RPTOR: variants seen among roughly 807,000 people sequenced by gnomAD.
The protein encoded by RPTOR is regulatory-associated protein of mTOR.
In RPTOR, 21 loss-of-function variants were observed where a neutral mutation model predicts 169.9. The observed-to-expected ratio is 0.12, with a 90% CI of 0.09 to 0.18. The LOEUF (loss-of-function observed/expected upper bound fraction) is 0.18. Ranked by LOEUF, RPTOR falls within the 10% of genes least tolerant of loss-of-function variation. RPTOR has a pLI of 1.00. For missense variants in RPTOR, 1,133 were observed against 1,855.9 expected, an observed-to-expected ratio of 0.61 and a Z score of 7.16; for synonymous variants, 732 against 753.2, an observed-to-expected ratio of 0.97 and a Z score of 0.46.
intron 4 of RPTOR, among the ~76,000 whole-genome samples, chr17:80,728,123 C>G (rs2066356058): frequency 6.6e-6 from 1 of 152,176 alleles, no homozygotes; most frequent in African/African-American, 2.4e-5. Context: ...AACTTAGAAT[C>G]ATTTTTGATT....
intron 5 of RPTOR, among the ~76,000 whole-genome samples, chr17:80,736,224 C>G (rs1247738327): frequency 6.6e-6 from 1 of 151,938 alleles, no homozygotes; most frequent in Non-Finnish European, 1.5e-5. Context: ...CACTTCTCCA[C>G]TATTCCCCCG....
intron 21 of RPTOR, 96 bp downstream of exon 21, chr17:80,909,025 A>G (rs6420479): frequency 0.87 from 692,513 of 798,828 alleles, 301,142 homozygotes; most frequent in African/African-American, 0.95. Context: ...TCCACACCAC[A>G]GTTTAGAAAG....
chr17:80,837,185 C>G (rs1290302880), intron 9 of RPTOR, among the ~76,000 whole-genome samples: 1 of 152,016 alleles, frequency 6.6e-6, no homozygotes, highest in African/African-American at 2.4e-5. Flanking sequence ...CAAGGGGTCT[C>G]GACAGGGGAA....
At chr17:80,821,715 C>T (rs546776292) in intron 7 of RPTOR, among the ~76,000 whole-genome samples, 1 of 152,334 alleles carries the variant, frequency 6.6e-6, no homozygotes, top group East Asian at 1.9e-4. Flanking sequence ...TGGCAATCCC[C>T]ACATCCCTGT....
intron 14 of RPTOR, among the ~76,000 whole-genome samples, chr17:80,881,610 G>C (rs559505942): frequency 3.9e-5 from 6 of 152,316 alleles, no homozygotes; most frequent in South Asian, 2.1e-4. Context: ...CTTGAGCTCG[G>C]GAGTTCGAGA....
intron 6 of RPTOR, among the ~76,000 whole-genome samples, chr17:80,776,344 A>G (rs1181183543): frequency 9.9e-6 from 1 of 100,644 alleles, no homozygotes; most frequent in East Asian, 3.2e-4. Flanking sequence ...TTTTTTTGAG[A>G]TGGAGTCTCA....
At chr17:80,922,565 G>A (rs142433069) in intron 21 of RPTOR, among the ~76,000 whole-genome samples, 159 bp from the exon 22 acceptor site, 6 of 152,336 alleles carry the variant, frequency 3.9e-5, no homozygotes, top group African/African-American at 9.6e-5. Flanking sequence ...TTGCCTTTGC[G>A]GGGGATCCAG....
chr17:80,599,282 C>G (rs920105815), intron 1 of RPTOR, among the ~76,000 whole-genome samples: 6 of 152,154 alleles, frequency 3.9e-5, no homozygotes, highest in Non-Finnish European at 7.3e-5. Flanking sequence ...ATTCCAGCCC[C>G]CAGAAGACAC....
At chr17:80,821,832 A>G (rs1452427801) in intron 7 of RPTOR, among the ~76,000 whole-genome samples, 1 of 152,210 alleles carries the variant, frequency 6.6e-6, no homozygotes, top group Non-Finnish European at 1.5e-5. Flanking sequence ...TGGCTGAGGT[A>G]TAACCCTGCA....
At position 80,936,910 on chromosome 17, in the gene RPTOR, C is replaced by T. The variant is rs1437531791; in HGVS notation, c.2920-3586C>T. On this transcript the variant is annotated intron_variant, in intron 24 of 33. Transcript: ENST00000306801. The surrounding 1 kb of genome is among the most constrained non-coding windows in gnomAD (Gnocchi z 4.1). ...TTTGTGGTAACACAAAGGCTGTGTC[C>T]TTGGACGTAATGTACACGAGACACT... is the stretch of plus-strand genomic sequence containing the variant. 6.6e-6 allele frequency among the ~76,000 whole-genome samples: 1 copy of T among 152,216 alleles called. No homozygotes were observed. Among genetic ancestry groups the T allele is most frequent in the African/African-American group, 2.4e-5 (1 of 41,450 alleles).
chr17:80,919,425 A>G (rs1178434869), intron 21 of RPTOR, among the ~76,000 whole-genome samples: 1 of 152,214 alleles, frequency 6.6e-6, no homozygotes, highest in African/African-American at 2.4e-5. Context: ...CATTTCTGAA[A>G]TACTCCACTT....
At chr17:80,679,501 C>T (rs80083159) in intron 3 of RPTOR, among the ~76,000 whole-genome samples, 2,048 of 152,288 alleles carry the variant, frequency 0.013, 61 homozygotes, top group African/African-American at 0.046. Context: ...TAGTAAGATG[C>T]CTTTACAGGC....
At chr17:80,618,448 T>C (rs1173832816) in intron 1 of RPTOR, among the ~76,000 whole-genome samples, 2 of 152,252 alleles carry the variant, frequency 1.3e-5, no homozygotes, top group Non-Finnish European at 2.9e-5. Context: ...ATGTTGGAAC[T>C]AAACTCATAC....
intron 5 of RPTOR, among the ~76,000 whole-genome samples, chr17:80,740,867 T>C (rs538409486): frequency 1.6e-4 from 24 of 152,340 alleles, no homozygotes; most frequent in Admixed American, 8.5e-4. Flanking sequence ...AAGGCAAGGA[T>C]ATCCATTCTT....
At chr17:80,942,948 A>T (rs8075155) in intron 25 of RPTOR, among the ~76,000 whole-genome samples, 1 of 152,272 alleles carries the variant, frequency 6.6e-6, no homozygotes, top group African/African-American at 2.4e-5. Context: ...TGGAGGCACC[A>T]CTAGGGTAAC....
chr17:80,556,856 G>A (rs1371611649), intron 1 of RPTOR, among the ~76,000 whole-genome samples: 2 of 152,010 alleles, frequency 1.3e-5, no homozygotes, highest in Non-Finnish European at 2.9e-5. Context: ...CACTTTGGGA[G>A]GTCGAGGCGG....
intron 6 of RPTOR, among the ~76,000 whole-genome samples, chr17:80,780,930 G>A (rs189901129): frequency 3.3e-5 from 5 of 152,360 alleles, no homozygotes; most frequent in Admixed American, 2.0e-4. Context: ...ACACACTTGT[G>A]TGTGATTTTT....
chr17:80,794,697 C>T (rs1247364910), intron 7 of RPTOR, among the ~76,000 whole-genome samples: 1 of 152,230 alleles, frequency 6.6e-6, no homozygotes, highest in Non-Finnish European at 1.5e-5. Flanking sequence ...GACTGTGGTG[C>T]ATCCGTATGA....
chr17:80,739,561 C>T (rs911151157), intron 5 of RPTOR, among the ~76,000 whole-genome samples: 3 of 152,260 alleles, frequency 2.0e-5, no homozygotes, highest in African/African-American at 7.2e-5. Context: ...TCATCAAGGT[C>T]GGTCACATCC....
Sources: allele counts gnomAD v4.1 joint callset (sites outside exome capture counted in the v4.1 genomes callset), GRCh38; gene constraint gnomAD v4.1.1; non-coding constraint Gnocchi (gnomAD v3.1); transcripts MANE v1.5; gene names NCBI Gene and HGNC (gene_info 2026-07-23, HGNC 2026-07-21).